Variants in SPAG9 observed in about 807,000 individuals in gnomAD.
SPAG9 encodes sperm associated antigen 9.
SPAG9 carries 35 observed loss-of-function variants against 166.5 expected under a neutral mutation model. That is an observed-to-expected ratio of 0.21 (90% CI 0.16 to 0.28). The LOEUF (loss-of-function observed/expected upper bound fraction) is 0.28. Ranked by LOEUF, SPAG9 falls within the 10% of genes least tolerant of loss-of-function variation. SPAG9 has a pLI of 1.00. For missense variants in SPAG9, 1,235 were observed against 1,603.3 expected, an observed-to-expected ratio of 0.77 and a Z score of 3.92; for synonymous variants, 534 against 565.5, an observed-to-expected ratio of 0.94 and a Z score of 0.79.
In SPAG9 at chr17:51,033,093, T is replaced by A. The variant is rs186760803; in HGVS notation, c.742-1371A>T. ...CAGCATATAGTTAAGGTGATTTTTT[T>A]AATACACATTGTGAAACAATCACCA... On this transcript the variant is annotated intron_variant, in intron 5 of 29. Transcript: ENST00000262013. Among the ~76,000 whole-genome samples the A allele has an allele frequency of 9.2e-5, 14 of 152,084 alleles. No homozygotes were observed. In the East Asian group the frequency reaches 1.2e-3, roughly 13 times the overall value.
At position 50,996,561 on chromosome 17, in the gene SPAG9, T is replaced by C; in HGVS notation, c.1968+4A>G. 1 of 1,614,100 alleles carries C rather than the reference T, an allele frequency of 6.2e-7. No individual in the cohort carries two copies. Among genetic ancestry groups the C allele is most frequent in the Non-Finnish European group, 8.5e-7 (1 of 1,179,984 alleles). ...TGGATGCTCTTACCACATGTGCATA[T>C]TACCTGTTTGTACTTCTGAGGCAGA... On this transcript the variant is annotated splice_donor_region_variant and intron_variant, in intron 16 of 29. Coordinates refer to ENST00000262013, the MANE Select transcript of SPAG9 (RefSeq NM_001130528.3).
intron 22 of SPAG9, among the ~76,000 whole-genome samples, chr17:50,986,909 A>C (rs1262490247): frequency 6.6e-6 from 1 of 152,204 alleles, no homozygotes; most frequent in African/African-American, 2.4e-5. Flanking sequence ...TTCTGTGACA[A>C]AGAAACATAT....
intron 1 of SPAG9, among the ~76,000 whole-genome samples, chr17:51,090,250 G>A (rs1021561615): frequency 5.9e-5 from 9 of 152,082 alleles, no homozygotes; most frequent in Non-Finnish European, 7.4e-5. Flanking sequence ...GGCCAGGTGC[G>A]GTGGCTCAAG....
chr17:51,037,691 T>TATATATATA (rs1179792305), intron 5 of SPAG9, among the ~76,000 whole-genome samples: 62 of 90,674 alleles, frequency 6.8e-4, no homozygotes, highest in Admixed American at 3.1e-3. Flanking sequence ...ATATAGTGTG[T>TATATATATA]GTGTGTGTGT....
chr17:51,117,385 A>G (rs2049319818), intron 1 of SPAG9, among the ~76,000 whole-genome samples: 1 of 152,106 alleles, frequency 6.6e-6, no homozygotes. Flanking sequence ...TGAGGCACTT[A>G]CTTTGGTATA....
intron 12 of SPAG9, among the ~76,000 whole-genome samples, chr17:51,004,919 CAAT>C (rs1353925334): frequency 4.6e-5 from 7 of 152,006 alleles, no homozygotes; most frequent in Admixed American, 2.0e-4. Context: ...AACGAAACAA[CAAT>C]AACAACAACC....
At chr17:51,087,434 C>T (rs954159698) in intron 1 of SPAG9, among the ~76,000 whole-genome samples, 9 of 152,282 alleles carry the variant, frequency 5.9e-5, no homozygotes, top group African/African-American at 1.7e-4. Context: ...GGTTTGGATT[C>T]GTGGTCCTAG....
chr17:51,006,347 C>A (rs1364456400), intron 10 of SPAG9, 110 bp from the exon 11 acceptor site: 2 of 1,020,444 alleles, frequency 2.0e-6, no homozygotes, highest in Non-Finnish European at 2.8e-6. Flanking sequence ...TAATTTAATA[C>A]TTCAAGACAT....
chr17:50,985,426 C>G (rs767065966), intron 23 of SPAG9, among the ~76,000 whole-genome samples: 7 of 152,238 alleles, frequency 4.6e-5, no homozygotes, highest in African/African-American at 1.7e-4. Flanking sequence ...CTAAAATAAA[C>G]ATAACTTAAT....
Position 51,075,966 on chromosome 17 carries a change from G to A in SPAG9, c.424+3618C>T, listed in dbSNP as rs146874243. ...AAAAATTAGCTGGGGGTGATGGCAGGCACCTGTAATCCCAGCTACTAGGAA... is the reference window on the plus strand; with the variant it reads ...AAAAATTAGCTGGGGGTGATGGCAGACACCTGTAATCCCAGCTACTAGGAA... On this transcript the variant is annotated intron_variant, in intron 2 of 29. Coordinates refer to ENST00000262013, the MANE Select transcript of SPAG9 (RefSeq NM_001130528.3). 8.8e-3 allele frequency among the ~76,000 whole-genome samples: 1,341 copies of A among 151,738 alleles called. 16 individuals are homozygous for A. The highest frequency in any genetic ancestry group is 0.031 in the African/African-American group (1,301 of 41,378).
chr17:51,067,477 T>C (rs972653262), intron 2 of SPAG9, among the ~76,000 whole-genome samples: 1 of 152,210 alleles, frequency 6.6e-6, no homozygotes, highest in Non-Finnish European at 1.5e-5. Context: ...CCTATACCTA[T>C]ATTGTTGCAT....
chr17:50,991,951 TTA>T (rs1555633679), intron 19 of SPAG9, among the ~76,000 whole-genome samples: 4,285 of 134,042 alleles, frequency 0.032, 564 homozygotes, highest in African/African-American at 0.12. Context: ...TTTTTTTTTT[TTA>T]AAACACAGGG....
At chr17:51,003,845 G>A (rs1368745172) in intron 12 of SPAG9, among the ~76,000 whole-genome samples, 1 of 152,172 alleles carries the variant, frequency 6.6e-6, no homozygotes, top group Non-Finnish European at 1.5e-5. Flanking sequence ...CCACTAGTAG[G>A]TATGTACTCT....
intron 1 of SPAG9, among the ~76,000 whole-genome samples, chr17:51,113,860 C>A (rs934869775): frequency 2.0e-5 from 3 of 150,484 alleles, no homozygotes; most frequent in Non-Finnish European, 4.4e-5. Flanking sequence ...CCAGGCATGG[C>A]GGCATGATCC....
At chr17:51,053,681 T>TCA (rs1489548590) in intron 3 of SPAG9, among the ~76,000 whole-genome samples, 1 of 146,826 alleles carries the variant, frequency 6.8e-6, no homozygotes, top group Non-Finnish European at 1.5e-5. Context: ...CGAGACTCCA[T>TCA]CACACACAAA....
chr17:51,053,847 AAAAAAAAGTAT>A (rs1318188910), intron 3 of SPAG9, among the ~76,000 whole-genome samples: 1 of 74,480 alleles, frequency 1.3e-5, no homozygotes, highest in Non-Finnish European at 2.4e-5. Flanking sequence ...AAAAAAAAAA[AAAAAAAAGTAT>A]ATATATATAT....
intron 1 of SPAG9, among the ~76,000 whole-genome samples, chr17:51,089,625 TATA>T (rs1568077200): frequency 1.8e-5 from 1 of 55,568 alleles, no homozygotes; most frequent in African/African-American, 1.0e-4. Context: ...TTATTTTATA[TATA>T]TATATATATA....
intron 13 of SPAG9, among the ~76,000 whole-genome samples, chr17:51,000,771 AAATAAAT>A: frequency 6.6e-6 from 1 of 151,668 alleles, no homozygotes; most frequent in South Asian, 2.1e-4. Context: ...ATAAATAAAT[AAATAAAT>A]AAATAAATAA....
At chr17:51,093,584 A>G (rs1420426287) in intron 1 of SPAG9, among the ~76,000 whole-genome samples, 1 of 150,466 alleles carries the variant, frequency 6.6e-6, no homozygotes, top group African/African-American at 2.5e-5. Flanking sequence ...AGTCCCTGCT[A>G]CTCGGGAGGC....
Sources: allele counts gnomAD v4.1 joint callset (sites outside exome capture counted in the v4.1 genomes callset), GRCh38; gene constraint gnomAD v4.1.1; transcripts MANE v1.5; gene names NCBI Gene and HGNC (gene_info 2026-07-23, HGNC 2026-07-21).